The following GET4 variants were observed in gnomAD, a reference collection of about 807,000 sequenced individuals.
GET4 encodes guided entry of tail-anchored proteins factor 4.
In GET4, 20 loss-of-function variants were observed where a neutral mutation model predicts 40.0. That is an observed-to-expected ratio of 0.50 (90% CI 0.35 to 0.73). The LOEUF (loss-of-function observed/expected upper bound fraction) is 0.73. Ranked by LOEUF, GET4 falls within the 30% of genes least tolerant of loss-of-function variation. The pLI is 0.01. For synonymous variants in GET4, 280 were observed against 194.6 expected, an observed-to-expected ratio of 1.44 and a Z score of -3.65; for missense variants, 557 against 454.0, an observed-to-expected ratio of 1.23 and a Z score of -2.06.
chr7:892,150 C>G (rs545908484), intron 5 of GET4, 128 bp from the exon 6 acceptor site: 2 of 879,672 alleles, frequency 2.3e-6, no homozygotes, highest in African/African-American at 1.7e-5. Flanking sequence ...CACTGGGTCC[C>G]TCCATGGCCT....
At position 893,534 on chromosome 7, in the gene GET4, CG is replaced by C. The variant is rs544791118; in HGVS notation, c.747-205del. On this transcript the variant is annotated intron_variant, in intron 6 of 8. Transcript: ENST00000265857. ...GTTGCAGGTGAGTGTTGGGTGTAGG[CG>C]TGGTGGTGTGTGCAGGTGAGTGTTG... Among the ~76,000 whole-genome samples, 219 of 123,992 alleles carry C rather than the reference CG, an allele frequency of 1.8e-3. 3 individuals carry two copies. Among genetic ancestry groups the C allele is most frequent in the African/African-American group, 6.5e-3 (205 of 31,516 alleles). 81.3% of individuals were successfully genotyped at this position (123,992 alleles called of 152,430 possible).
chr7:886,900 C>G (rs1844200500), intron 3 of GET4: 2 of 558,208 alleles, frequency 3.6e-6, no homozygotes, highest in East Asian at 6.1e-5. Context: ...GCCCTGTCCT[C>G]TCCACTGCTC....
At chr7:888,546 G>T (rs1844241558) in intron 4 of GET4, among the ~76,000 whole-genome samples, 1 of 152,252 alleles carries the variant, frequency 6.6e-6, no homozygotes, top group Non-Finnish European at 1.5e-5. Context: ...CCTCAGAGGA[G>T]CCTGGCGGAA....
At chr7:885,341 C>T (rs1430092127) in intron 1 of GET4, 1 of 152,302 alleles carries the variant, frequency 6.6e-6, no homozygotes, top group Admixed American at 6.5e-5. Flanking sequence ...GGCAGGGGCT[C>T]TGCTGCTTAC....
Position 895,400 on chromosome 7 carries a change from G to T in GET4, c.962G>T (p.Gly321Val). 6.3e-7 allele frequency: 1 copy of T among 1,588,534 alleles called. No homozygotes were observed. Among genetic ancestry groups the T allele is most frequent in the Non-Finnish European group, 8.6e-7 (1 of 1,158,660 alleles). The part of the protein sequence containing the change: ...QEDGEESPSD[G>V]SPIELD ...GATGGGGAGGAGAGCCCCAGCGACG[G>T]CAGCCCCATCGAGCTGGACTGAACT... The change falls in exon 9 of 9, where the codon GGC becomes GTC. Residue 321 changes from glycine to valine, a missense_variant. Coordinates refer to ENST00000265857, the MANE Select transcript of GET4 (RefSeq NM_015949.3).
rs759217219 is a variant in GET4 at position 886,535 on chromosome 7, G to A, written c.235-34G>A. 24 of 1,534,500 alleles carry A rather than the reference G, an allele frequency of 1.6e-5. No homozygotes were observed. The Admixed American group carries it at 2.3e-4, about 15-fold the overall frequency. ...GCTGTCCTGAACAGGTCAGGGCTTTGTTCTTGATTCTTGTGTGTTGCTTTC... is the reference window on the plus strand; with the variant it reads ...GCTGTCCTGAACAGGTCAGGGCTTTATTCTTGATTCTTGTGTGTTGCTTTC... On this transcript the variant is annotated intron_variant, in intron 2 of 8. Transcript: ENST00000265857.
chr7:890,453 A>G (rs1297846619), intron 4 of GET4, among the ~76,000 whole-genome samples: 1 of 150,456 alleles, frequency 6.6e-6, no homozygotes, highest in African/African-American at 2.5e-5. Flanking sequence ...GGGTGTTAGG[A>G]CGGGCTTGGG....
At chr7:893,094 C>T (rs565153479) in intron 6 of GET4, among the ~76,000 whole-genome samples, 91 of 124,702 alleles carry the variant, frequency 7.3e-4, no homozygotes, top group African/African-American at 2.7e-3. Flanking sequence ...TGGGTGCGGG[C>T]GTGGTGATGT....
intron 4 of GET4, among the ~76,000 whole-genome samples, chr7:888,556 A>C (rs1585496524): frequency 6.6e-6 from 1 of 152,184 alleles, no homozygotes; most frequent in African/African-American, 2.4e-5. Flanking sequence ...GCCTGGCGGA[A>C]CCCGGTCCTG....
intron 1 of GET4, chr7:878,326 C>T (rs1222927250): frequency 6.4e-6 from 3 of 471,142 alleles, no homozygotes; most frequent in South Asian, 1.5e-5. Flanking sequence ...TTCAGTTGTT[C>T]TGTGTGTGGC....
rs374027022 is a variant in GET4, at chr7:893,822, G to T, written c.822+7G>T. ...GGACCCCATGTACAACGAGGTGAGAGCTTGGGGCTGGGGAGGGAGGAGGGG... is the reference window on the plus strand; with the variant it reads ...GGACCCCATGTACAACGAGGTGAGATCTTGGGGCTGGGGAGGGAGGAGGGG... On this transcript the variant is annotated splice_region_variant and intron_variant, in intron 7 of 8. Transcript: ENST00000265857. The T allele has an allele frequency of 6.2e-7, 1 of 1,609,508 alleles. No individual in the cohort carries two copies. The highest frequency in any genetic ancestry group is 1.1e-5 in the South Asian group (1 of 90,988).
At chr7:882,859 G>T (rs1224180718) in intron 1 of GET4, 1 of 152,260 alleles carries the variant, frequency 6.6e-6, no homozygotes, top group Non-Finnish European at 1.5e-5. Flanking sequence ...TTAGAAACTT[G>T]GTGTGGCTGA....
At chr7:887,641 G>A (rs762915976) in intron 4 of GET4, 122 bp downstream of exon 4, 42 of 731,950 alleles carry the variant, frequency 5.7e-5, no homozygotes, top group Non-Finnish European at 8.1e-5. Flanking sequence ...CTGTGGTCAC[G>A]CGGGCCGGTC....
chr7:886,516 C>A, intron 2 of GET4, 53 bp from the exon 3 acceptor site: 1 of 1,357,642 alleles, frequency 7.4e-7, no homozygotes, highest in Non-Finnish European at 1.1e-6. Context: ...CTTTGCTGTC[C>A]TGAACAGGTC....
chr7:893,068 G>A (rs1562898028), intron 6 of GET4, among the ~76,000 whole-genome samples: 3 of 147,936 alleles, frequency 2.0e-5, no homozygotes, highest in African/African-American at 5.1e-5. Context: ...GCGTGGTGGT[G>A]TGTGCAGGCG....
chr7:887,094 A>C (rs1844206226), intron 3 of GET4: 1 of 638,238 alleles, frequency 1.6e-6, no homozygotes. Context: ...CAGAGCGGCC[A>C]CAGCTGTTCC....
Position 893,720 on chromosome 7 carries a change from CCT to C in GET4, c.747-19_747-18del, listed in dbSNP as rs1396812505. On this transcript the variant is annotated intron_variant, in intron 6 of 8. Coordinates refer to ENST00000265857, the MANE Select transcript of GET4 (RefSeq NM_015949.3). Reference sequence around the variant, plus strand: ...TCCTGTTCTGCTCACCCAGCACATCCCTGTGTGTCTCTGTCCCAGTGGGAAGC... The same window carrying C: ...TCCTGTTCTGCTCACCCAGCACATCCGTGTGTCTCTGTCCCAGTGGGAAGC... 6.5e-7 allele frequency: 1 copy of C among 1,550,118 alleles called. No individual in the cohort carries two copies. The highest frequency in any genetic ancestry group is 8.9e-7 in the Non-Finnish European group (1 of 1,126,922).
intron 1 of GET4, chr7:880,803 C>T (rs1844069485): frequency 6.6e-6 from 1 of 152,244 alleles, no homozygotes; most frequent in Non-Finnish European, 1.5e-5. Context: ...CGTGTGGATT[C>T]CCAGCTCTGC....
At chr7:890,493 T>G (rs1282508011) in intron 4 of GET4, among the ~76,000 whole-genome samples, 1 of 151,432 alleles carries the variant, frequency 6.6e-6, no homozygotes, top group African/African-American at 2.4e-5. Context: ...ATGTTGAGGG[T>G]TGGTTGTTGG....
Sources: allele counts gnomAD v4.1 joint callset (sites outside exome capture counted in the v4.1 genomes callset), GRCh38; gene constraint gnomAD v4.1.1; transcripts MANE v1.5; gene names NCBI Gene and HGNC (gene_info 2026-07-23, HGNC 2026-07-21).